Variants in GRM7 observed in about 807,000 individuals in gnomAD.
GRM7 encodes metabotropic glutamate receptor 7.
GRM7 carries 35 observed loss-of-function variants against 84.5 expected under a neutral mutation model. That is an observed-to-expected ratio of 0.41 (90% CI 0.32 to 0.55). The LOEUF is 0.55. Ranked by LOEUF, GRM7 falls within the 20% of genes least tolerant of loss-of-function variation. GRM7 has a pLI of 0.19. For missense variants in GRM7, 1,003 were observed against 1,194.6 expected, an observed-to-expected ratio of 0.84 and a Z score of 2.36; for synonymous variants, 487 against 455.1, an observed-to-expected ratio of 1.07 and a Z score of -0.89.
At chr3:7,202,093 G>A (rs2125114557) in intron 2 of GRM7, among the ~76,000 whole-genome samples, 1 of 151,856 alleles carries the variant, frequency 6.6e-6, no homozygotes, top group Middle Eastern at 3.4e-3. Context: ...TTCTCCAGTA[G>A]CATTTTTGGC....
intron 1 of GRM7, among the ~76,000 whole-genome samples, chr3:6,967,722 T>A (rs997893825): frequency 2.0e-5 from 3 of 152,214 alleles, no homozygotes; most frequent in Non-Finnish European, 4.4e-5. Context: ...AACTATTATG[T>A]CCCATGTGAA....
chr3:6,993,028 C>A (rs1175860682), intron 1 of GRM7, among the ~76,000 whole-genome samples: 1 of 152,216 alleles, frequency 6.6e-6, no homozygotes, highest in South Asian at 2.1e-4. Flanking sequence ...AGGTTGAATT[C>A]ACTCAGTTCA....
intron 1 of GRM7, among the ~76,000 whole-genome samples, chr3:6,885,384 G>T (rs969783392): frequency 5.3e-5 from 8 of 152,206 alleles, no homozygotes; most frequent in African/African-American, 1.9e-4. Context: ...TTTCTAGGAT[G>T]AAGGTTGTAA....
chr3:6,994,776 T>C (rs576455389), intron 1 of GRM7, among the ~76,000 whole-genome samples: 2 of 152,344 alleles, frequency 1.3e-5, no homozygotes, highest in East Asian at 3.9e-4. Flanking sequence ...CCTGACCATA[T>C]AGTAGGTGCT....
chr3:6,914,153 A>G (rs1328785619), intron 1 of GRM7, among the ~76,000 whole-genome samples: 1 of 152,166 alleles, frequency 6.6e-6, no homozygotes, highest in African/African-American at 2.4e-5. Context: ...GCCTTCAAGT[A>G]CTTTAGAAAA....
intron 8 of GRM7, among the ~76,000 whole-genome samples, chr3:7,648,564 G>T (rs749556844): frequency 5.3e-5 from 8 of 151,692 alleles, no homozygotes; most frequent in Non-Finnish European, 8.8e-5. Context: ...CAGGAGAATC[G>T]CTTGAACCTA....
chr3:6,861,587 TGCG>T lies in GRM7; in HGVS notation c.203_205del (p.Gly68del). On this transcript the variant is annotated inframe_deletion, in exon 1 of 10. Transcript: ENST00000357716. The surrounding 1 kb of genome is among the most constrained non-coding windows in gnomAD (Gnocchi z 6.4). ...CGCCAAGGGTCCCAGCGGAGTGCCC[TGCG>T]GCGACATCAAGAGGGAAAACGGGAT... 6.2e-7 allele frequency: 1 copy of T among 1,608,986 alleles called. No individual in the cohort carries two copies. Among genetic ancestry groups the T allele is most frequent in the Non-Finnish European group, 8.5e-7 (1 of 1,177,358 alleles).
At chr3:7,626,772 C>T (rs572274223) in intron 8 of GRM7, among the ~76,000 whole-genome samples, 1 of 152,198 alleles carries the variant, frequency 6.6e-6, no homozygotes, top group South Asian at 2.1e-4. Flanking sequence ...TAAATAAGGT[C>T]ACATTCTGTA....
At chr3:7,221,900 A>G (rs926876133) in intron 2 of GRM7, among the ~76,000 whole-genome samples, 4 of 144,188 alleles carry the variant, frequency 2.8e-5, no homozygotes, top group Admixed American at 2.2e-4. Context: ...TCTGCCTCCC[A>G]GGTTCAAGCA....
chr3:7,077,108 CT>C, intron 1 of GRM7, among the ~76,000 whole-genome samples: 1 of 152,274 alleles, frequency 6.6e-6, no homozygotes, highest in South Asian at 2.1e-4. Flanking sequence ...AATAGGAAAG[CT>C]TTTACACTGT....
rs34508559 is a variant in GRM7 at position 7,516,476 on chromosome 3, C to CAAA, written c.1515+54781_1515+54783dup. Among the ~76,000 whole-genome samples the CAAA allele has an allele frequency of 1.2e-3, 52 of 42,450 alleles. 3 individuals are homozygous for CAAA. The highest frequency in any genetic ancestry group is 4.1e-3 in the East Asian group (2 of 490). The allele number at this position is 42,450 out of a possible 152,430, so 27.8% of individuals were successfully genotyped here. On this transcript the variant is annotated intron_variant, in intron 7 of 9. Transcript: ENST00000357716. ...TGGGCGGCAGAGCGAGACTCCCTCTCAAAAAAAAAAAAAAAAAAAAAAAAA... is the reference window on the plus strand; with the variant it reads ...TGGGCGGCAGAGCGAGACTCCCTCTCAAAAAAAAAAAAAAAAAAAAAAAAAAAA...
chr3:7,218,658 A>G (rs947245784), intron 2 of GRM7, among the ~76,000 whole-genome samples: 5 of 152,014 alleles, frequency 3.3e-5, no homozygotes, highest in Admixed American at 1.3e-4. Flanking sequence ...ATTAATTGGG[A>G]AGGTTGATGT....
rs1045109381 is a variant in GRM7 at position 6,863,251 on chromosome 3, T to C, written c.519+1344T>C. ...ACCCTTTTCCAGTGCATAGCGGCTC[T>C]CTCCCTGGCTGGTGGTACCCAAACC... On this transcript the variant is annotated intron_variant, in intron 1 of 9. Coordinates refer to ENST00000357716, the MANE Select transcript of GRM7 (RefSeq NM_000844.4). This position sits in a 1 kb window ranked among gnomAD's most constrained non-coding sequence, Gnocchi z 4.8. Among the ~76,000 whole-genome samples, 77 of 152,248 alleles carry C rather than the reference T, an allele frequency of 5.1e-4. 1 individual carries two copies. The highest frequency in any genetic ancestry group is 1.3e-3 in the African/African-American group (56 of 41,546).
intron 1 of GRM7, among the ~76,000 whole-genome samples, chr3:6,941,424 A>C (rs1207725930): frequency 6.6e-6 from 1 of 152,246 alleles, no homozygotes; most frequent in African/African-American, 2.4e-5. Flanking sequence ...ATCAGCAGGA[A>C]GGTAACAAAC....
chr3:7,495,669 C>T (rs1238163612), intron 7 of GRM7, among the ~76,000 whole-genome samples: 1 of 152,148 alleles, frequency 6.6e-6, no homozygotes, highest in Non-Finnish European at 1.5e-5. Context: ...AGTAGGTCTT[C>T]CTTGAAAGAT....
intron 4 of GRM7, among the ~76,000 whole-genome samples, chr3:7,343,123 A>AC (rs1692719842): frequency 2.6e-5 from 4 of 152,208 alleles, no homozygotes; most frequent in Admixed American, 2.6e-4. Context: ...TTGGGATTCA[A>AC]CACCCAGACG....
intron 7 of GRM7, among the ~76,000 whole-genome samples, chr3:7,508,857 G>T (rs1384804122): frequency 1.3e-5 from 2 of 152,124 alleles, no homozygotes; most frequent in Non-Finnish European, 2.9e-5. Flanking sequence ...TTCATTTGAT[G>T]AAATAGGCAT....
chr3:7,525,031 C>T (rs1174324089), intron 7 of GRM7, among the ~76,000 whole-genome samples: 8 of 149,956 alleles, frequency 5.3e-5, no homozygotes, highest in Non-Finnish European at 8.9e-5. Flanking sequence ...AACCAAACAC[C>T]ACATGTTCTC....
chr3:7,130,505 T>C (rs1158052009), intron 1 of GRM7, among the ~76,000 whole-genome samples: 1 of 149,178 alleles, frequency 6.7e-6, no homozygotes, highest in Non-Finnish European at 1.5e-5. Flanking sequence ...ATCGCACCAT[T>C]GCACTACAAC....
Sources: gnomAD v4.1 joint callset for allele counts (sites outside exome capture counted in the v4.1 genomes callset) on GRCh38, gnomAD v4.1.1 for gene constraint, Gnocchi (gnomAD v3.1) non-coding constraint, MANE v1.5 for transcripts, NCBI Gene and HGNC (gene_info 2026-07-23, HGNC 2026-07-21) for gene names.